VPS26A: variants seen among roughly 807,000 people sequenced by gnomAD.
VPS26A encodes the protein VPS26 retromer complex component A, also known as vacuolar protein sorting-associated protein 26A.
Under a neutral mutation model 42.4 loss-of-function variants are expected in VPS26A, and 22 were observed. The ratio of observed to expected loss-of-function variants is 0.52; its 90% CI spans 0.37 to 0.74. The LOEUF is 0.74. VPS26A is among the 30% of genes least tolerant of loss of function. VPS26A has a pLI of 0.00. For synonymous variants in VPS26A, 110 were observed against 123.5 expected (o/e 0.89, Z 0.73); for missense variants, 276 against 379.2 (o/e 0.73, Z 2.26).
intron 3 of VPS26A, 122 bp from the exon 4 acceptor site, chr10:69,156,885 G>A (rs1461717043): frequency 8.7e-6 from 8 of 918,684 alleles, no homozygotes; most frequent in Non-Finnish European, 1.3e-5. Context: ...CATAGGTCTA[G>A]TTTATTAGAG....
At chr10:69,163,761 G>GTTTTT (rs869118567) in intron 6 of VPS26A, among the ~76,000 whole-genome samples, 1 of 145,840 alleles carries the variant, frequency 6.9e-6, no homozygotes, top group African/African-American at 2.6e-5. Context: ...TTAATTTTCA[G>GTTTTT]TTTTCTTTTT....
intron 6 of VPS26A, 21 bp from the exon 7 acceptor site, chr10:69,166,021 T>C: frequency 6.3e-7 from 1 of 1,596,054 alleles, no homozygotes; most frequent in East Asian, 2.2e-5. Context: ...TAAATTAATG[T>C]TATTTACATT....
In VPS26A at chr10:69,157,032, T is replaced by C; in HGVS notation, c.255T>C (p.Thr85=). 1 of 1,611,956 alleles carries C rather than the reference T, an allele frequency of 6.2e-7. No homozygotes were observed. Among genetic ancestry groups the C allele is most frequent in the Non-Finnish European group, 8.5e-7 (1 of 1,179,160 alleles). Residue 85 remains threonine (T), a synonymous_variant, in exon 4 of 9, where the codon ACT becomes ACC. Transcript: ENST00000263559. ...AACTTTTCAATGACAAGAGTAATAC[T>C]CATGAATTTGTAAACCTAGTGAAAG... ...QIELFNDKSN[T]HEFVNLVKEL...
At position 69,174,228 on chromosome 10, in the gene VPS26A, G is replaced by A. The variant is rs969941722; in HGVS notation, c.*2959G>A. ...AGGTCCACGGCTCCGTTAAGTCAGC[G>A]AGACCGCAAACCCACTGGAAGGAAC... On this transcript the variant is annotated 3_prime_UTR_variant, in exon 9 of 9. Transcript: ENST00000263559. 2.7e-5 allele frequency among the ~76,000 whole-genome samples: 4 copies of A among 149,936 alleles called. No individual in the cohort carries two copies. The highest frequency in any genetic ancestry group is 5.9e-5 in the Non-Finnish European group (4 of 67,324).
Position 69,158,130 on chromosome 10 carries a change from A to G in VPS26A, c.470A>G (p.Tyr157Cys). The stretch of plus-strand genomic sequence containing the variant: ...CTTATTGTTCACCAGCTTGCCACCT[A>G]TCCTGATGTTAACAACTCTATTAAG... ...YDLIVHQLAT[Y>C]PDVNNSIKME... Residue 157 changes from tyrosine (Y) to cysteine (C), a missense_variant, in exon 5 of 9, where the codon TAT (tyrosine) becomes TGT (cysteine). Tyr to Cys is a radical substitution (Grantham distance 194). Transcript: ENST00000263559. 1 of 1,613,338 alleles carries G rather than the reference A, an allele frequency of 6.2e-7. No homozygotes were observed. The highest frequency in any genetic ancestry group is 1.1e-5 in the South Asian group (1 of 90,958).
In VPS26A at chr10:69,168,485, T is replaced by G; in HGVS notation, c.728-4T>G. 1 of 1,608,878 alleles carries G rather than the reference T, an allele frequency of 6.2e-7. No homozygotes were observed. Among genetic ancestry groups the G allele is most frequent in the Non-Finnish European group, 8.5e-7 (1 of 1,178,642 alleles). On this transcript the variant is annotated splice_polypyrimidine_tract_variant and splice_region_variant and intron_variant, in intron 7 of 8. Transcript: ENST00000263559. ...GAATTAAGTAGAAATTCCTTTTCTT[T>G]CAGGTGAATCAATTCCAATAAGGCT... is the stretch of plus-strand genomic sequence containing the variant.
chr10:69,148,881 G>A (rs556818082), intron 2 of VPS26A, among the ~76,000 whole-genome samples: 84 of 150,520 alleles, frequency 5.6e-4, no homozygotes, highest in African/African-American at 2.0e-3. Flanking sequence ...TCAGCCTCCC[G>A]AGTAGCTGGG....
chr10:69,173,929 G>GGTTGTT lies in VPS26A; in HGVS notation c.*2664_*2665insTTGTTG, dbSNP rs1475178995. 5.9e-3 allele frequency among the ~76,000 whole-genome samples: 881 copies of GGTTGTT among 149,436 alleles called. 11 individuals are homozygous for GGTTGTT. Among genetic ancestry groups the GGTTGTT allele is most frequent in the African/African-American group, 0.021 (833 of 39,070 alleles). ...GAATTGCTTGAACCCGGGAGGCAGAGGTTGCAGTGAGCCGAGATCACACCA... is the reference window on the plus strand; with the variant it reads ...GAATTGCTTGAACCCGGGAGGCAGAGGTTGTTGTTGCAGTGAGCCGAGATCACACCA... On this transcript the variant is annotated 3_prime_UTR_variant, in exon 9 of 9. Transcript: ENST00000263559.
Position 69,174,408 on chromosome 10 carries a change from A to C in VPS26A, c.*3139A>C, listed in dbSNP as rs1841888048. Among the ~76,000 whole-genome samples the C allele has an allele frequency of 6.6e-6, 1 of 152,174 alleles. No individual in the cohort carries two copies. On this transcript the variant is annotated 3_prime_UTR_variant, in exon 9 of 9. Coordinates refer to ENST00000263559, the MANE Select transcript of VPS26A (RefSeq NM_004896.5). ...AACCATTAAAATTTTTATTTCTGTC[A>C]CTAATGAAGAATTTTCTCATTGTTT...
At chr10:69,167,742 C>CAAAAAAAAAAAAAAAAAAAAAAAAAAA (rs35974356) in intron 7 of VPS26A, among the ~76,000 whole-genome samples, 1 of 66,328 alleles carries the variant, frequency 1.5e-5, no homozygotes, top group Non-Finnish European at 2.8e-5. Flanking sequence ...GACTCCATCT[C>CAAAAAAAAAAAAAAAAAAAAAAAAAAA]AAAAAAAAAA....
At position 69,172,934 on chromosome 10, in the gene VPS26A, G is replaced by C. The variant is rs1185902415; in HGVS notation, c.*1665G>C. 1 of 152,104 alleles carries C rather than the reference G, an allele frequency of 6.6e-6. No individual in the cohort carries two copies. Among genetic ancestry groups the C allele is most frequent in the Non-Finnish European group, 1.5e-5 (1 of 68,022 alleles). The allele number at this position is 152,104 out of a possible 1,614,324, so 9.4% of individuals were successfully genotyped here. ...TTCTCATTGTTAGATTTATTGTCGA[G>C]GATAGGATTGTTCAATAGTTTAGGA... On this transcript the variant is annotated 3_prime_UTR_variant, in exon 9 of 9. Coordinates refer to ENST00000263559, the MANE Select transcript of VPS26A (RefSeq NM_004896.5).
rs1841862215 is a variant in VPS26A, at chr10:69,173,458, C to T, written c.*2189C>T. On this transcript the variant is annotated 3_prime_UTR_variant, in exon 9 of 9. Transcript: ENST00000263559. ...CAACAAAAATGAGACCCTATCTCTA[C>T]AAAAAAATTAACAATGAGCTGGGCA... Among the ~76,000 whole-genome samples the T allele has an allele frequency of 6.6e-6, 1 of 152,026 alleles. No homozygotes were observed. Among genetic ancestry groups the T allele is most frequent in the South Asian group, 2.1e-4 (1 of 4,812 alleles).
intron 2 of VPS26A, among the ~76,000 whole-genome samples, chr10:69,150,991 C>T (rs1272504085): frequency 6.6e-6 from 1 of 151,704 alleles, no homozygotes; most frequent in African/African-American, 2.4e-5. Flanking sequence ...ATAGGTTGGG[C>T]GTGGTGGCAC....
intron 7 of VPS26A, among the ~76,000 whole-genome samples, chr10:69,168,185 A>G (rs1367314829): frequency 6.6e-6 from 1 of 152,194 alleles, no homozygotes; most frequent in Non-Finnish European, 1.5e-5. Flanking sequence ...ACTTCACCTC[A>G]CAATGAATGT....
chr10:69,151,145 G>A (rs1841294413), intron 2 of VPS26A, among the ~76,000 whole-genome samples: 1 of 151,412 alleles, frequency 6.6e-6, no homozygotes, highest in Non-Finnish European at 1.5e-5. Context: ...GGCACTTGTA[G>A]TCCCAGCTAC....
At position 69,172,777 on chromosome 10, in the gene VPS26A, T is replaced by C. The variant is rs537239088; in HGVS notation, c.*1508T>C. The C allele has an allele frequency of 1.3e-4, 20 of 152,760 alleles. No homozygotes were observed. The highest frequency in any genetic ancestry group is 3.8e-4 in the African/African-American group (16 of 41,580). The allele number at this position is 152,760 out of a possible 1,614,324, so 9.5% of individuals were successfully genotyped here. ...TTTGCATGTAGTAAGCCAGAAAATA[T>C]TCAAAGAGATTTTGAAAACCAATTG... On this transcript the variant is annotated 3_prime_UTR_variant, in exon 9 of 9. Transcript: ENST00000263559.
chr10:69,145,726 C>CTT (rs59254404), intron 2 of VPS26A, among the ~76,000 whole-genome samples: 89 of 146,256 alleles, frequency 6.1e-4, no homozygotes, highest in Middle Eastern at 3.5e-3. Flanking sequence ...TTTTTCTTTT[C>CTT]TTTTTTTTTT....
At chr10:69,127,583 A>G (rs1287731860) in intron 1 of VPS26A, among the ~76,000 whole-genome samples, 5 of 151,928 alleles carry the variant, frequency 3.3e-5, no homozygotes, top group African/African-American at 9.6e-5. Context: ...TGTTAACCCA[A>G]TGCCATATTG....
chr10:69,142,009 G>T (rs1256275968), intron 2 of VPS26A, among the ~76,000 whole-genome samples: 2 of 151,016 alleles, frequency 1.3e-5, no homozygotes, highest in Non-Finnish European at 2.9e-5. Context: ...TCAGCCTCCC[G>T]AGTAGCTGGG....
Sources: gnomAD v4.1 joint callset for allele counts (sites outside exome capture counted in the v4.1 genomes callset) on GRCh38, gnomAD v4.1.1 for gene constraint, MANE v1.5 for transcripts, NCBI Gene and HGNC (gene_info 2026-07-23, HGNC 2026-07-21) for gene names.